CFAP46: variants seen among roughly 807,000 people sequenced by gnomAD.
CFAP46 encodes the protein cilia- and flagella-associated protein 46.
A neutral mutation model predicts 325.7 loss-of-function variants in CFAP46; 245 were observed. The observed-to-expected ratio is 0.75, with a 90% CI of 0.68 to 0.84. The LOEUF (loss-of-function observed/expected upper bound fraction) is 0.84, where lower values mean the gene tolerates loss of function less well. Ranked by LOEUF, CFAP46 falls within the 40% of genes least tolerant of loss-of-function variation. The pLI is 0.00. For synonymous variants in CFAP46, 1,523 were observed against 1,495.9 expected (o/e 1.02, Z -0.42); for missense variants, 3,346 against 3,543.0 (o/e 0.94, Z 1.41).
At chr10:132,822,897 C>G (rs1427999152) in intron 50 of CFAP46, among the ~76,000 whole-genome samples, 1 of 123,020 alleles carries the variant, frequency 8.1e-6, no homozygotes, top group Non-Finnish European at 1.6e-5. Context: ...CTGATGTGTG[C>G]TGATGTGTGC....
intron 55 of CFAP46, among the ~76,000 whole-genome samples, chr10:132,811,825 C>T (rs1326097265): frequency 2.0e-5 from 3 of 152,250 alleles, no homozygotes; most frequent in Non-Finnish European, 4.4e-5. Context: ...AGTGGGGGTC[C>T]TGCTTGGCCC....
At position 132,872,738 on chromosome 10, in the gene CFAP46, C is replaced by A; in HGVS notation, c.4449G>T (p.Leu1483Phe). 6.4e-7 allele frequency: 1 copy of A among 1,550,888 alleles called. No homozygotes were observed. The highest frequency in any genetic ancestry group is 8.7e-7 in the Non-Finnish European group (1 of 1,147,066). Residue 1483 changes from leucine (L) to phenylalanine (F), a missense_variant, in exon 32 of 58, where the codon TTG becomes TTT. Physicochemically the swap from Leu to Phe is conservative, Grantham distance 22 (BLOSUM62 0). Transcript: ENST00000368586. ...LHELTVPVLQLGVLISDSVVG... is the reference protein window; with the variant it reads ...LHELTVPVLQFGVLISDSVVG... Reference sequence around the variant, plus strand: ...CCACGGAGTCCGAAATCAGCACCCCCAACTGCAGGACGGGAACCGTGAGTT... The same window carrying A: ...CCACGGAGTCCGAAATCAGCACCCCAAACTGCAGGACGGGAACCGTGAGTT...
chr10:132,827,070 C>A lies in CFAP46; in HGVS notation c.7117+6288G>T, dbSNP rs1338309711. ...ACCTCCATGAGCCTCGTGTCTGTGC[C>A]AACCGACTCCAGCTCCGGGCTCCCT... On this transcript the variant is annotated intron_variant, in intron 50 of 57. Coordinates refer to ENST00000368586, the MANE Select transcript of CFAP46 (RefSeq NM_001200049.3). The surrounding 1 kb of genome is among the most constrained non-coding windows in gnomAD (Gnocchi z 5.7). Among the ~76,000 whole-genome samples the A allele has an allele frequency of 6.6e-6, 1 of 152,174 alleles. No individual in the cohort carries two copies. The highest frequency in any genetic ancestry group is 2.4e-5 in the African/African-American group (1 of 41,446).
At chr10:132,819,805 A>T (rs1164327184) in intron 50 of CFAP46, among the ~76,000 whole-genome samples, 1 of 152,246 alleles carries the variant, frequency 6.6e-6, no homozygotes, top group Non-Finnish European at 1.5e-5. Context: ...AAAACACAGG[A>T]TAAAAGCTCC....
rs114545083 is a variant in CFAP46, at chr10:132,907,207, C to T, written c.2924+1261G>A. Reference sequence around the variant, plus strand: ...AACATCGTTACAGCCTTTGGGTCAGCGGTTTCATCTTCCAGGATTATTAGA... The same window carrying T: ...AACATCGTTACAGCCTTTGGGTCAGTGGTTTCATCTTCCAGGATTATTAGA... On this transcript the variant is annotated intron_variant, in intron 22 of 57. Transcript: ENST00000368586. Among the ~76,000 whole-genome samples the T allele has an allele frequency of 4.4e-3, 669 of 152,364 alleles. 2 individuals carry two copies. The highest frequency in any genetic ancestry group is 0.014 in the African/African-American group (594 of 41,586).
chr10:132,938,425 T>C (rs1355816261), intron 5 of CFAP46, among the ~76,000 whole-genome samples, 164 bp downstream of exon 5: 1 of 152,156 alleles, frequency 6.6e-6, no homozygotes, highest in Non-Finnish European at 1.5e-5. Flanking sequence ...GGAAACGACC[T>C]TCGGACAAGA....
chr10:132,899,605 T>C lies in CFAP46; in HGVS notation c.2986A>G (p.Ile996Val). 1 of 1,550,216 alleles carries C rather than the reference T, an allele frequency of 6.5e-7. No homozygotes were observed. The highest frequency in any genetic ancestry group is 8.7e-7 in the Non-Finnish European group (1 of 1,146,974). ...CTATAIQGRSIMENLKGRKQL... is the reference protein window; with the variant it reads ...CTATAIQGRSVMENLKGRKQL... Reference sequence around the variant, plus strand: ...TTCCGGCCCTTCAGGTTTTCCATGATGCTCCTGCCCTGGATGGCCGTGGCT... The same window carrying C: ...TTCCGGCCCTTCAGGTTTTCCATGACGCTCCTGCCCTGGATGGCCGTGGCT... Residue 996 changes from isoleucine to valine, a missense_variant, in exon 23 of 58, where the codon ATC becomes GTC. By Grantham distance (29) the Ile-to-Val change is conservative. Transcript: ENST00000368586.
rs1450929017 is a variant in CFAP46 at position 132,882,936 on chromosome 10, T to C, written c.3628-1904A>G. 2.6e-5 allele frequency among the ~76,000 whole-genome samples: 4 copies of C among 152,238 alleles called. No individual in the cohort carries two copies. The East Asian group carries it at 7.7e-4, about 29-fold the overall frequency. On this transcript the variant is annotated intron_variant, in intron 27 of 57. Transcript: ENST00000368586. ...TTCTCAACAGAAGTGCGGGGCCAGC[T>C]GGCATCCACAGGCTGAGGAGTGCCG...
chr10:132,909,209 G>T lies in CFAP46; in HGVS notation c.2685C>A (p.Val895=). ...ATGAGTACATTTCCAAGGCAACGAG[G>T]ACTCTGGTCACCGAGCTGACATCCT... ...TNEDVSSVTR[V]LVALEMYSCN... is the part of the protein sequence containing the mutation. Residue 895 remains valine (V), a synonymous_variant, in exon 21 of 58, where the codon GTC becomes GTA. Transcript: ENST00000368586. 6.4e-7 allele frequency: 1 copy of T among 1,550,390 alleles called. No homozygotes were observed. Among genetic ancestry groups the T allele is most frequent in the South Asian group, 1.2e-5 (1 of 84,062 alleles).
At chr10:132,903,937 A>G (rs1279803676) in intron 22 of CFAP46, among the ~76,000 whole-genome samples, 1 of 152,226 alleles carries the variant, frequency 6.6e-6, no homozygotes, top group Non-Finnish European at 1.5e-5. Context: ...CTTGACACTA[A>G]TAGCATAAAT....
In CFAP46 at chr10:132,869,365, G is replaced by A. The variant is rs1848864778; in HGVS notation, c.4519C>T (p.His1507Tyr). 1 of 1,529,834 alleles carries A rather than the reference G, an allele frequency of 6.5e-7. No individual in the cohort carries two copies. Among genetic ancestry groups the A allele is most frequent in the Non-Finnish European group, 8.8e-7 (1 of 1,140,364 alleles). The allele number at this position is 1,529,834 out of a possible 1,614,324, so 94.8% of individuals were successfully genotyped here. The change falls in exon 33 of 58, where the codon CAC becomes TAC. Residue 1507 changes from histidine to tyrosine, a missense_variant. His to Tyr is a moderately conservative substitution (Grantham distance 83). Coordinates refer to ENST00000368586, the MANE Select transcript of CFAP46 (RefSeq NM_001200049.3). This position sits in a 1 kb window ranked among gnomAD's most constrained non-coding sequence, Gnocchi z 6.2. ...LSDLYHLRLA[H>Y]ACSELKLREA... ...CTCAGCTTCAGCTCGGAGCACGCGT[G>A]GGCGAGGCTGTGGGGAGTGTGGCCG... is the stretch of plus-strand genomic sequence containing the variant.
At chr10:132,909,301 T>C (rs1849505794) in intron 20 of CFAP46, 57 bp from the exon 21 acceptor site, 1 of 1,226,780 alleles carries the variant, frequency 8.2e-7, no homozygotes, top group Admixed American at 2.0e-5. Context: ...GAGTCTGGAA[T>C]ATGCGTGAAT....
At chr10:132,922,868 C>T (rs2135618845) in intron 11 of CFAP46, among the ~76,000 whole-genome samples, 160 bp from the exon 12 acceptor site, 1 of 152,336 alleles carries the variant, frequency 6.6e-6, no homozygotes, top group South Asian at 2.1e-4. Flanking sequence ...GATGTCCCTA[C>T]CTGGCCCTGG....
At position 132,827,477 on chromosome 10, in the gene CFAP46, T is replaced by C. The variant is rs1308754621; in HGVS notation, c.7117+5881A>G. The stretch of plus-strand genomic sequence containing the variant: ...AAACTTCCGTGACACCGATGCAAAT[T>C]TGCTCTTTCTGTATTTCATGTAAAA... On this transcript the variant is annotated intron_variant, in intron 50 of 57. Coordinates refer to ENST00000368586, the MANE Select transcript of CFAP46 (RefSeq NM_001200049.3). This position sits in a 1 kb window ranked among gnomAD's most constrained non-coding sequence, Gnocchi z 5.7. Among the ~76,000 whole-genome samples the C allele has an allele frequency of 6.6e-6, 1 of 151,766 alleles. No homozygotes were observed. Among genetic ancestry groups the C allele is most frequent in the African/African-American group, 2.4e-5 (1 of 41,270 alleles).
intron 32 of CFAP46, among the ~76,000 whole-genome samples, chr10:132,871,135 G>A (rs755034220): frequency 1.3e-5 from 2 of 151,190 alleles, no homozygotes; most frequent in Non-Finnish European, 2.9e-5. Flanking sequence ...TCTGTTGACA[G>A]CATGGTTTGC....
Position 132,919,468 on chromosome 10 carries a change from G to A in CFAP46, c.1731-26C>T, listed in dbSNP as rs1200117004. 4 of 1,539,950 alleles carry A rather than the reference G, an allele frequency of 2.6e-6. No individual in the cohort carries two copies. In the East Asian group the frequency reaches 9.8e-5, roughly 38 times the overall value. On this transcript the variant is annotated intron_variant, in intron 14 of 57. Transcript: ENST00000368586. The surrounding 1 kb of genome is among the most constrained non-coding windows in gnomAD (Gnocchi z 9.7). ...CTGCTCACCGAGAACCCAAACGAGT[G>A]AAAGGTGAGTAGACAAGTGTGGTTG...
At chr10:132,926,815 G>A (rs951984749) in intron 9 of CFAP46, 149 bp from the exon 10 acceptor site, 1 of 673,092 alleles carries the variant, frequency 1.5e-6, no homozygotes, top group Non-Finnish European at 2.6e-6. Context: ...CTATGACGCA[G>A]AGGTTTAAGT....
At chr10:132,820,967 G>T (rs1363414501) in intron 50 of CFAP46, among the ~76,000 whole-genome samples, 1 of 111,446 alleles carries the variant, frequency 9.0e-6, no homozygotes, top group Non-Finnish European at 1.8e-5. Context: ...GATGTGTGCT[G>T]TGTGTGTGCT....
At chr10:132,811,424 GCTGGGGGGCAGCACTGA>G (rs1193494010) in intron 55 of CFAP46, among the ~76,000 whole-genome samples, 1 of 152,214 alleles carries the variant, frequency 6.6e-6, no homozygotes, top group Non-Finnish European at 1.5e-5. Flanking sequence ...GGGACAGGCT[GCTGGGGGGCAGCACTGA>G]CTGGGGGCTG....
Sources: gnomAD v4.1 joint callset for allele counts (sites outside exome capture counted in the v4.1 genomes callset) on GRCh38, gnomAD v4.1.1 for gene constraint, Gnocchi (gnomAD v3.1) non-coding constraint, MANE v1.5 for transcripts, NCBI Gene and HGNC (gene_info 2026-07-23, HGNC 2026-07-21) for gene names.